The following ZMIZ1 variants were observed in gnomAD, a reference collection of about 807,000 sequenced individuals.
The protein encoded by ZMIZ1 is zinc finger MIZ-type containing 1, also known as zinc finger MIZ domain-containing protein 1.
A neutral mutation model predicts 113.9 loss-of-function variants in ZMIZ1; 17 were observed. The ratio of observed to expected loss-of-function variants is 0.15; its 90% CI spans 0.10 to 0.22. The LOEUF is 0.22. Ranked by LOEUF, ZMIZ1 falls within the 10% of genes least tolerant of loss-of-function variation. The pLI is 1.00. For synonymous variants in ZMIZ1, 607 were observed against 603.1 expected (o/e 1.01, Z -0.09); for missense variants, 1,059 against 1,477.8 (o/e 0.72, Z 4.65).
intron 2 of ZMIZ1, among the ~76,000 whole-genome samples, chr10:79,135,428 G>T (rs1386528018): frequency 3.9e-5 from 6 of 152,190 alleles, no homozygotes; most frequent in Non-Finnish European, 7.3e-5. Flanking sequence ...CTGGGACTCT[G>T]TTGGGGGAGG....
Position 79,226,239 on chromosome 10 carries a change from G to T in ZMIZ1, c.280+9965G>T, listed in dbSNP as rs78637486. ...AGAGGCTCTGAGGGGTGGGGAGGTG[G>T]TCTCGGCAAGGGCAGAAGTGGGACC... On this transcript the variant is annotated intron_variant, in intron 7 of 24. Coordinates refer to ENST00000334512, the MANE Select transcript of ZMIZ1 (RefSeq NM_020338.4). Among the ~76,000 whole-genome samples, 188 of 152,294 alleles carry T rather than the reference G, an allele frequency of 1.2e-3. 15 individuals carry two copies. The East Asian group carries it at 0.036, about 29-fold the overall frequency.
intron 7 of ZMIZ1, among the ~76,000 whole-genome samples, chr10:79,220,951 G>A (rs760111235): frequency 4.6e-5 from 7 of 152,128 alleles, no homozygotes; most frequent in East Asian, 1.9e-4. Context: ...TGTCTATGAC[G>A]TATATGTACC....
intron 7 of ZMIZ1, among the ~76,000 whole-genome samples, chr10:79,256,455 T>C (rs1445834369): frequency 6.6e-6 from 1 of 152,164 alleles, no homozygotes; most frequent in Non-Finnish European, 1.5e-5. Flanking sequence ...AGCTGCAGTG[T>C]GTGCCCTGCA....
intron 1 of ZMIZ1, among the ~76,000 whole-genome samples, chr10:79,108,560 G>A (rs1589279682): frequency 1.3e-5 from 2 of 151,984 alleles, no homozygotes; most frequent in African/African-American, 4.8e-5. Flanking sequence ...CCTGAGGGAG[G>A]CCGGACATAT....
chr10:79,111,570 C>G (rs901223304), intron 1 of ZMIZ1, among the ~76,000 whole-genome samples: 6 of 152,132 alleles, frequency 3.9e-5, no homozygotes, highest in Admixed American at 3.3e-4. Flanking sequence ...CAGGCCTGAG[C>G]CAAGGGAAAC....
chr10:79,298,111 C>T (rs1854030611), intron 14 of ZMIZ1, among the ~76,000 whole-genome samples: 1 of 152,136 alleles, frequency 6.6e-6, no homozygotes, highest in African/African-American at 2.4e-5. Context: ...CTGAGCAAGT[C>T]CCCAACCCTG....
intron 1 of ZMIZ1, among the ~76,000 whole-genome samples, chr10:79,070,937 G>C (rs1842261631): frequency 6.6e-6 from 1 of 151,726 alleles, no homozygotes; most frequent in Non-Finnish European, 1.5e-5. Flanking sequence ...GAGGGAGGAA[G>C]ATTTAACTTG....
intron 7 of ZMIZ1, among the ~76,000 whole-genome samples, chr10:79,246,825 A>G (rs1381590604): frequency 6.6e-6 from 1 of 152,076 alleles, no homozygotes; most frequent in Non-Finnish European, 1.5e-5. Context: ...GCCAGACACC[A>G]CAGGCAGGGA....
At chr10:79,220,250 G>A (rs72818214) in intron 7 of ZMIZ1, among the ~76,000 whole-genome samples, 6,061 of 152,218 alleles carry the variant, frequency 0.04, 160 homozygotes, top group South Asian at 0.083. Flanking sequence ...ACGCACACTG[G>A]GGGCCAAGTA....
chr10:79,104,397 TG>T (rs1843479681), intron 1 of ZMIZ1, among the ~76,000 whole-genome samples: 1 of 152,174 alleles, frequency 6.6e-6, no homozygotes, highest in Admixed American at 6.5e-5. Flanking sequence ...GCTGCCTGGT[TG>T]GGTCAGAGGG....
chr10:79,255,543 T>A (rs1850835379), intron 7 of ZMIZ1, among the ~76,000 whole-genome samples: 1 of 152,136 alleles, frequency 6.6e-6, no homozygotes, highest in South Asian at 2.1e-4. Context: ...AGCCCGGGCA[T>A]TCACCAGCGT....
intron 4 of ZMIZ1, among the ~76,000 whole-genome samples, chr10:79,185,725 G>T (rs1847326085): frequency 6.6e-6 from 1 of 152,094 alleles, no homozygotes; most frequent in Non-Finnish European, 1.5e-5. Context: ...TACTCACTTT[G>T]ACTTTTAAAT....
In ZMIZ1 at chr10:79,283,187, C is replaced by T. The variant is rs184154562; in HGVS notation, c.425+5862C>T. 2.9e-3 allele frequency among the ~76,000 whole-genome samples: 436 copies of T among 152,292 alleles called. 3 individuals are homozygous for T. Among genetic ancestry groups the T allele is most frequent in the Non-Finnish European group, 2.2e-3 (152 of 68,024 alleles). On this transcript the variant is annotated intron_variant, in intron 8 of 24. Transcript: ENST00000334512. ...GGTGCCTTCCTCCTTCTTATAGGTG[C>T]GGGATTTATGAACCCCAACAGAGAG...
chr10:79,247,742 CTG>C (rs1442696384), intron 7 of ZMIZ1, among the ~76,000 whole-genome samples: 1 of 152,216 alleles, frequency 6.6e-6, no homozygotes, highest in Non-Finnish European at 1.5e-5. Flanking sequence ...TTTTCTGAGA[CTG>C]AGGCTCCCAA....
chr10:79,213,552 A>G (rs368783134), intron 6 of ZMIZ1, among the ~76,000 whole-genome samples: 1 of 152,196 alleles, frequency 6.6e-6, no homozygotes. Context: ...GCCGCCATAC[A>G]GCACCAAGCC....
chr10:79,309,472 G>A (rs1459369918), intron 23 of ZMIZ1, among the ~76,000 whole-genome samples: 2 of 152,184 alleles, frequency 1.3e-5, no homozygotes, highest in Non-Finnish European at 2.9e-5. Context: ...CCAGCCTCTT[G>A]TATGTGTCTC....
chr10:79,264,980 T>C (rs552790717), intron 7 of ZMIZ1, among the ~76,000 whole-genome samples: 1 of 152,266 alleles, frequency 6.6e-6, no homozygotes, highest in South Asian at 2.1e-4. Context: ...TGGCGTCTTA[T>C]CCTGGGTCCA....
chr10:79,307,346 G>C lies in ZMIZ1; in HGVS notation c.2669-59G>C. The C allele has an allele frequency of 2.0e-6, 3 of 1,526,288 alleles. No individual in the cohort carries two copies. The South Asian group carries it at 3.4e-5, about 17-fold the overall frequency. The allele number at this position is 1,526,288 out of a possible 1,614,324, so 94.5% of individuals were successfully genotyped here. Reference sequence around the variant, plus strand: ...TATTTTTACACACTCTCTGTTCCCTGGGGGTGGCCACTATCCCTCTGGGTG... The same window carrying C: ...TATTTTTACACACTCTCTGTTCCCTCGGGGTGGCCACTATCCCTCTGGGTG... On this transcript the variant is annotated intron_variant, in intron 22 of 24. Transcript: ENST00000334512.
At chr10:79,259,800 C>G (rs916604315) in intron 7 of ZMIZ1, among the ~76,000 whole-genome samples, 2 of 152,086 alleles carry the variant, frequency 1.3e-5, no homozygotes, top group African/African-American at 4.8e-5. Flanking sequence ...TTAGTAGAGA[C>G]AGGGTTTCAC....
Sources: allele counts gnomAD v4.1 joint callset (sites outside exome capture counted in the v4.1 genomes callset), GRCh38; gene constraint gnomAD v4.1.1; transcripts MANE v1.5; gene names NCBI Gene and HGNC (gene_info 2026-07-23, HGNC 2026-07-21).